SPATA6: variants seen among roughly 807,000 people sequenced by gnomAD.
SPATA6 encodes the protein spermatogenesis associated 6.
A neutral mutation model predicts 65.3 loss-of-function variants in SPATA6; 56 were observed. The ratio of observed to expected loss-of-function variants is 0.86; its 90% CI spans 0.69 to 1.07. The LOEUF (loss-of-function observed/expected upper bound fraction) is 1.07, where lower values mean the gene tolerates loss of function less well. SPATA6 is among the 50% of genes least tolerant of loss of function. SPATA6 has a pLI of 0.00. For synonymous variants in SPATA6, 199 were observed against 213.2 expected (o/e 0.93, Z 0.58); for missense variants, 590 against 594.8 (o/e 0.99, Z 0.08).
chr1:48,315,963 G>A (rs1026508546), intron 11 of SPATA6, among the ~76,000 whole-genome samples: 9 of 152,190 alleles, frequency 5.9e-5, no homozygotes, highest in South Asian at 4.2e-4. Context: ...AAAATACTTC[G>A]AAACCAATTT....
At chr1:48,323,591 C>A (rs1645664835) in intron 11 of SPATA6, among the ~76,000 whole-genome samples, 1 of 139,348 alleles carries the variant, frequency 7.2e-6, no homozygotes, top group Non-Finnish European at 1.6e-5. Context: ...TAAACAAAAT[C>A]AACAAACCTT....
At chr1:48,283,669 A>G in the SPATA6 span, among the ~76,000 whole-genome samples, 67 of 58,996 alleles carry the variant, frequency 1.1e-3, no homozygotes, top group Non-Finnish European at 1.9e-3. Context: ...ACAGAGCAAG[A>G]CTCCGTCTCA....
At chr1:48,450,335 C>A (rs1343603885) in intron 3 of SPATA6, among the ~76,000 whole-genome samples, 1 of 53,756 alleles carries the variant, frequency 1.9e-5, no homozygotes, top group African/African-American at 6.0e-5. Context: ...GGGAAGAGAG[C>A]CCAAGAAAAA....
intron 3 of SPATA6, among the ~76,000 whole-genome samples, chr1:48,430,688 A>G (rs1446245305): frequency 6.6e-6 from 1 of 152,194 alleles, no homozygotes; most frequent in Non-Finnish European, 1.5e-5. Context: ...GGAGCACACA[A>G]AGTATAAACA....
At chr1:48,434,482 A>G (rs1372671149) in intron 3 of SPATA6, among the ~76,000 whole-genome samples, 1 of 152,216 alleles carries the variant, frequency 6.6e-6, no homozygotes, top group Non-Finnish European at 1.5e-5. Flanking sequence ...TACAAGATAC[A>G]GATCTAAAGA....
At position 48,472,004 on chromosome 1, in the gene SPATA6, G is replaced by T; in HGVS notation, c.5C>A (p.Pro2Gln). 6.3e-7 allele frequency: 1 copy of T among 1,575,640 alleles called. No homozygotes were observed. Among genetic ancestry groups the T allele is most frequent in the Non-Finnish European group, 8.6e-7 (1 of 1,164,604 alleles). The part of the protein sequence containing the change: M[P>Q]KVKALQCALA... ...GGCGCACTGCAGCGCCTTCACCTTC[G>T]GCATCCGTGCGGGGAGGGGCGGCGG... Residue 2 changes from proline to glutamine, a missense_variant, in exon 1 of 13, where the codon CCG (proline) becomes CAG (glutamine). Coordinates refer to ENST00000371847, the MANE Select transcript of SPATA6 (RefSeq NM_019073.4).
chr1:48,468,447 C>T (rs1657973994), intron 1 of SPATA6, among the ~76,000 whole-genome samples: 2 of 152,230 alleles, frequency 1.3e-5, no homozygotes, highest in South Asian at 2.1e-4. Flanking sequence ...TTTGTCAAAA[C>T]TTACATATAT....
intron 11 of SPATA6, among the ~76,000 whole-genome samples, chr1:48,313,652 C>A (rs183100016): frequency 6.6e-6 from 1 of 152,162 alleles, no homozygotes; most frequent in African/African-American, 2.4e-5. Flanking sequence ...AGCAAAATAA[C>A]CAGATAACAT....
Position 48,399,644 on chromosome 1 carries a change from C to A in SPATA6, c.487G>T (p.Asp163Tyr). ...LISSRKCHTQ[D>Y]KFIYHLAPVE... ...GGAGCCAAATGGTAAATAAATTTATCCTAAACATAAAAAATAAAAATTAAC... is the reference window on the plus strand; with the variant it reads ...GGAGCCAAATGGTAAATAAATTTATACTAAACATAAAAAATAAAAATTAAC... Residue 163 changes from aspartate (D) to tyrosine (Y), a missense_variant and splice_region_variant, in exon 7 of 13, where the codon GAT becomes TAT. Asp to Tyr is a radical substitution (Grantham distance 160, BLOSUM62 -3). Coordinates refer to ENST00000371847, the MANE Select transcript of SPATA6 (RefSeq NM_019073.4). 3 of 1,557,162 alleles carry A rather than the reference C, an allele frequency of 1.9e-6. No individual in the cohort carries two copies. The highest frequency in any genetic ancestry group is 1.2e-5 in the South Asian group (1 of 81,636).
intron 3 of SPATA6, among the ~76,000 whole-genome samples, chr1:48,429,221 A>G (rs944428805): frequency 6.6e-6 from 1 of 151,928 alleles, no homozygotes; most frequent in Non-Finnish European, 1.5e-5. Flanking sequence ...CCTTATGGCC[A>G]TGTTGTTGCA....
intron 11 of SPATA6, among the ~76,000 whole-genome samples, chr1:48,340,808 A>G (rs1385157084): frequency 6.6e-6 from 1 of 152,136 alleles, no homozygotes; most frequent in African/African-American, 2.4e-5. Context: ...GGTGAAAGTA[A>G]AAGGACGAAA....
At chr1:48,451,496 G>C in intron 3 of SPATA6, 56 bp downstream of exon 3, 1 of 1,521,966 alleles carries the variant, frequency 6.6e-7, no homozygotes, top group Non-Finnish European at 9.0e-7. Flanking sequence ...AAGATCATAA[G>C]GATAATAAAT....
chr1:48,409,542 G>A (rs1652019340), intron 5 of SPATA6, among the ~76,000 whole-genome samples: 1 of 152,224 alleles, frequency 6.6e-6, no homozygotes, highest in Non-Finnish European at 1.5e-5. Flanking sequence ...GACTCTGTGT[G>A]GAGGCTCTGA....
In SPATA6 at chr1:48,451,497, G is replaced by A. The variant is rs1039030739; in HGVS notation, c.238+55C>T. Reference sequence around the variant, plus strand: ...TTAACCCAAGATTAAAGATCATAAGGATAATAAATCCTAAAATGTCTTAGA... The same window carrying A: ...TTAACCCAAGATTAAAGATCATAAGAATAATAAATCCTAAAATGTCTTAGA... On this transcript the variant is annotated intron_variant, in intron 3 of 12. Coordinates refer to ENST00000371847, the MANE Select transcript of SPATA6 (RefSeq NM_019073.4). 8.5e-6 allele frequency: 13 copies of A among 1,525,640 alleles called. No homozygotes were observed. In the Admixed American group the frequency reaches 2.0e-4, roughly 24 times the overall value. 94.5% of individuals were successfully genotyped at this position (1,525,640 alleles called of 1,614,324 possible).
intron 11 of SPATA6, among the ~76,000 whole-genome samples, chr1:48,330,635 C>T (rs998682308): frequency 6.6e-6 from 1 of 152,212 alleles, no homozygotes; most frequent in Non-Finnish European, 1.5e-5. Flanking sequence ...GGCTTTCCAG[C>T]CAAGTGGCCC....
At chr1:48,357,880 G>C (rs1028003893) in intron 10 of SPATA6, among the ~76,000 whole-genome samples, 1 of 152,110 alleles carries the variant, frequency 6.6e-6, no homozygotes, top group Non-Finnish European at 1.5e-5. Flanking sequence ...CTGCCCCAGA[G>C]AGTATACCAA....
chr1:48,304,694 A>G (rs1645018396), intron 12 of SPATA6, among the ~76,000 whole-genome samples: 1 of 152,154 alleles, frequency 6.6e-6, no homozygotes, highest in Admixed American at 6.6e-5. Flanking sequence ...ATATATAAGA[A>G]CCAGCATCTA....
At chr1:48,469,574 T>C (rs1658074866) in intron 1 of SPATA6, among the ~76,000 whole-genome samples, 1 of 151,506 alleles carries the variant, frequency 6.6e-6, no homozygotes, top group Non-Finnish European at 1.5e-5. Context: ...AGCAGATGAG[T>C]ATAGGTGGGA....
intron 11 of SPATA6, among the ~76,000 whole-genome samples, chr1:48,347,487 T>C (rs972411300): frequency 6.9e-5 from 10 of 145,570 alleles, no homozygotes; most frequent in African/African-American, 2.6e-4. Context: ...ATATTATTAA[T>C]GTATATATGT....
Sources: gnomAD v4.1 joint callset for allele counts (sites outside exome capture counted in the v4.1 genomes callset) on GRCh38, gnomAD v4.1.1 for gene constraint, MANE v1.5 for transcripts, NCBI Gene and HGNC (gene_info 2026-07-23, HGNC 2026-07-21) for gene names.